The following WDR26 variants were observed in gnomAD, a reference collection of about 807,000 sequenced individuals.
The protein encoded by WDR26 is WD repeat domain 26.
In WDR26, 5 loss-of-function variants were observed where a neutral mutation model predicts 84.1. That is an observed-to-expected ratio of 0.06 (90% CI 0.03 to 0.13). The LOEUF (loss-of-function observed/expected upper bound fraction) is 0.13. WDR26 is among the 10% of genes least tolerant of loss of function. WDR26 has a pLI of 1.00. For missense variants in WDR26, 642 were observed against 974.9 expected, an observed-to-expected ratio of 0.66 and a Z score of 4.55; for synonymous variants, 415 against 389.6, an observed-to-expected ratio of 1.07 and a Z score of -0.77.
At chr1:224,432,203 G>T (rs1674411826) in intron 1 of WDR26, among the ~76,000 whole-genome samples, 1 of 152,130 alleles carries the variant, frequency 6.6e-6, no homozygotes, top group Admixed American at 6.5e-5. Flanking sequence ...ATATATCCAG[G>T]TATTATATTG....
intron 9 of WDR26, 72 bp downstream of exon 9, chr1:224,400,878 G>A (rs1673393941): frequency 6.4e-7 from 1 of 1,572,610 alleles, no homozygotes; most frequent in Admixed American, 1.8e-5. Context: ...ACTGAGTCAA[G>A]GAAATTGTTT....
chr1:224,416,063 C>G (rs1165690160), intron 6 of WDR26, among the ~76,000 whole-genome samples: 1 of 152,064 alleles, frequency 6.6e-6, no homozygotes, highest in African/African-American at 2.4e-5. Flanking sequence ...GCAATGATTT[C>G]AAGAAGTCAG....
At chr1:224,398,796 CG>C (rs111705961) in intron 10 of WDR26, 92 bp downstream of exon 10, 2 of 1,513,842 alleles carry the variant, frequency 1.3e-6, no homozygotes, top group South Asian at 1.2e-5. Flanking sequence ...CAAACCAAAA[CG>C]AAAAACATAA....
At chr1:224,420,093 T>TA (rs1407139654) in intron 4 of WDR26, among the ~76,000 whole-genome samples, 2 of 152,196 alleles carry the variant, frequency 1.3e-5, no homozygotes, top group African/African-American at 4.8e-5. Context: ...TTCTGAATAG[T>TA]AAAATAAAAC....
chr1:224,392,041 T>C (rs1415280440), intron 13 of WDR26, among the ~76,000 whole-genome samples: 1 of 152,166 alleles, frequency 6.6e-6, no homozygotes, highest in Non-Finnish European at 1.5e-5. Context: ...AGCACACTCT[T>C]ATTCCATTGC....
chr1:224,434,735 G>C lies in WDR26; in HGVS notation c.-330C>G, dbSNP rs1572229906. 1 of 986,392 alleles carries C rather than the reference G, an allele frequency of 1.0e-6. No homozygotes were observed. Among genetic ancestry groups the C allele is most frequent in the African/African-American group, 1.8e-5 (1 of 57,072 alleles). The allele number at this position is 986,392 out of a possible 1,614,324, so 61.1% of individuals were successfully genotyped here. ...GGCAGCGGAGGCAGCTGCCGCCTCT[G>C]TCCTCGGATCCGCTCCGCTCTGCTC... On this transcript the variant is annotated 5_prime_UTR_variant, in exon 1 of 14. Transcript: ENST00000414423.
intron 9 of WDR26, 77 bp from the exon 10 acceptor site, chr1:224,399,111 T>C: frequency 7.5e-7 from 1 of 1,336,742 alleles, no homozygotes. Flanking sequence ...AAAGACTCCC[T>C]TCACAATATC....
Position 224,418,361 on chromosome 1 carries a change from C to A in WDR26, c.1218G>T (p.Arg406=). Residue 406 remains arginine (R), a synonymous_variant, in exon 6 of 14, where the codon CGG becomes CGT. Transcript: ENST00000414423. ...GATCCCTTTGTAGTTCCACCGCCTG[C>A]CGCAGGAGAGTCTGTAAACGCCGTG... is the stretch of plus-strand genomic sequence containing the variant. 6.2e-7 allele frequency: 1 copy of A among 1,613,560 alleles called. No individual in the cohort carries two copies. Among genetic ancestry groups the A allele is most frequent in the Non-Finnish European group, 8.5e-7 (1 of 1,179,682 alleles).
chr1:224,423,013 C>T (rs1464891756), intron 4 of WDR26, among the ~76,000 whole-genome samples: 1 of 152,086 alleles, frequency 6.6e-6, no homozygotes, highest in Non-Finnish European at 1.5e-5. Flanking sequence ...CTTTTTTATA[C>T]TAGTGTAAAT....
chr1:224,419,229 A>G (rs987109604), intron 5 of WDR26, among the ~76,000 whole-genome samples: 1 of 152,218 alleles, frequency 6.6e-6, no homozygotes, highest in Non-Finnish European at 1.5e-5. Context: ...TGTGGTTTAC[A>G]TATTTTTTTC....
rs553203730 is a variant in WDR26, at chr1:224,391,129, C to T, written c.2261-1269G>A. On this transcript the variant is annotated intron_variant, in intron 13 of 13. Coordinates refer to ENST00000414423, the MANE Select transcript of WDR26 (RefSeq NM_001379403.1). ...CCTGTAATCCCAGTACTTTGGGAGG[C>T]CAAGACAGGCCGACTTCACCTGAAG... Among the ~76,000 whole-genome samples the T allele has an allele frequency of 2.0e-5, 3 of 151,834 alleles. No individual in the cohort carries two copies. In the East Asian group the frequency reaches 5.8e-4, roughly 29 times the overall value.
chr1:224,428,193 C>T (rs994215781), intron 3 of WDR26, among the ~76,000 whole-genome samples: 1 of 152,174 alleles, frequency 6.6e-6, no homozygotes, highest in Non-Finnish European at 1.5e-5. Flanking sequence ...CCACCCAATA[C>T]TGAATTGCTT....
At position 224,385,211 on chromosome 1, in the gene WDR26, G is replaced by A. The variant is rs972014030; in HGVS notation, c.*4624C>T. On this transcript the variant is annotated 3_prime_UTR_variant, in exon 14 of 14. Transcript: ENST00000414423. ...ATACAAACGACTGGTTAAGTGCTGC[G>A]CACTGACATGGAAAAAGTGTCTTTA... 4 of 152,094 alleles carry A rather than the reference G, an allele frequency of 2.6e-5. No homozygotes were observed. Among genetic ancestry groups the A allele is most frequent in the African/African-American group, 4.8e-5 (2 of 41,424 alleles). The allele number at this position is 152,094 out of a possible 1,614,324, so 9.4% of individuals were successfully genotyped here.
At chr1:224,433,126 C>A (rs957767246) in intron 1 of WDR26, among the ~76,000 whole-genome samples, 1 of 152,170 alleles carries the variant, frequency 6.6e-6, no homozygotes, top group Non-Finnish European at 1.5e-5. Flanking sequence ...ATTCAACAAC[C>A]TCTTTCCAAA....
At chr1:224,398,836 C>A (rs1673330886) in intron 10 of WDR26, 53 bp downstream of exon 10, 1 of 1,602,030 alleles carries the variant, frequency 6.2e-7, no homozygotes, top group East Asian at 2.2e-5. Flanking sequence ...TTCCACTACA[C>A]ATTTGAATAT....
At chr1:224,396,925 T>C (rs934734718) in intron 12 of WDR26, among the ~76,000 whole-genome samples, 1 of 152,000 alleles carries the variant, frequency 6.6e-6, no homozygotes, top group Non-Finnish European at 1.5e-5. Flanking sequence ...AGAAAAGGAA[T>C]AGATGAATTT....
At chr1:224,405,499 G>A (rs1392767390) in intron 7 of WDR26, among the ~76,000 whole-genome samples, 1 of 152,198 alleles carries the variant, frequency 6.6e-6, no homozygotes, top group African/African-American at 2.4e-5. Context: ...CTGCCAAACT[G>A]TTTTCCAAGT....
chr1:224,394,597 C>CT (rs375334791), intron 12 of WDR26, among the ~76,000 whole-genome samples: 27,779 of 151,740 alleles, frequency 0.18, 2,790 homozygotes, highest in Middle Eastern at 0.23. Flanking sequence ...CTCCACCTCC[C>CT]GGGTTCAAGC....
chr1:224,429,184 C>G (rs1674314779), intron 3 of WDR26: 2 of 151,934 alleles, frequency 1.3e-5, no homozygotes, highest in Admixed American at 1.3e-4. Context: ...ATCGCTTGAA[C>G]CTGGGAGGCG....
Sources: allele counts gnomAD v4.1 joint callset (sites outside exome capture counted in the v4.1 genomes callset), GRCh38; gene constraint gnomAD v4.1.1; transcripts MANE v1.5; gene names NCBI Gene and HGNC (gene_info 2026-07-23, HGNC 2026-07-21).